B4GALNT3: variants seen among roughly 807,000 people sequenced by gnomAD.
The protein encoded by B4GALNT3 is beta-1,4-N-acetyl-galactosaminyltransferase 3.
Under a neutral mutation model 120.2 loss-of-function variants are expected in B4GALNT3, and 86 were observed. The ratio of observed to expected loss-of-function variants is 0.72; its 90% CI spans 0.60 to 0.86. The LOEUF (loss-of-function observed/expected upper bound fraction) is 0.86, where lower values mean the gene tolerates loss of function less well. Ranked by LOEUF, B4GALNT3 falls within the 40% of genes least tolerant of loss-of-function variation. The pLI is 0.00. For synonymous variants in B4GALNT3, 518 were observed against 510.4 expected (o/e 1.01, Z -0.20); for missense variants, 1,167 against 1,298.9 (o/e 0.90, Z 1.56).
intron 3 of B4GALNT3, chr12:542,993 G>A (rs1464666919): frequency 4.7e-6 from 3 of 642,774 alleles, no homozygotes; most frequent in Non-Finnish European, 7.1e-6. Flanking sequence ...ATGGGGAGGG[G>A]AGGAGAGCAA....
intron 1 of B4GALNT3, among the ~76,000 whole-genome samples, chr12:463,336 A>T (rs1228083313): frequency 6.6e-6 from 1 of 152,210 alleles, no homozygotes; most frequent in Non-Finnish European, 1.5e-5. Flanking sequence ...ATGATGTGCA[A>T]TTTGGTTCCA....
intron 1 of B4GALNT3, among the ~76,000 whole-genome samples, chr12:470,064 G>A (rs965347837): frequency 1.3e-5 from 2 of 152,130 alleles, no homozygotes; most frequent in East Asian, 3.8e-4. Context: ...GTCCTTTTGA[G>A]GGCTTCAGTT....
rs776766408 is a variant in B4GALNT3 at position 544,920 on chromosome 12, A to G, written c.486A>G (p.Lys162=). 2 of 1,613,898 alleles carry G rather than the reference A, an allele frequency of 1.2e-6. No homozygotes were observed. Among genetic ancestry groups the G allele is most frequent in the Non-Finnish European group, 1.7e-6 (2 of 1,179,942 alleles). Residue 162 remains lysine (K), a synonymous_variant, in exon 5 of 20, where the codon AAA becomes AAG. Coordinates refer to ENST00000266383, the MANE Select transcript of B4GALNT3 (RefSeq NM_173593.4). ...TTLRKLAVSP[K]WTNYGLRIFG... is the part of the protein sequence containing the mutation. ...TGAGGAAGCTTGCTGTGTCCCCCAA[A>G]TGGACCAACTATGGCCTCCGCATCT...
At chr12:479,486 A>C (rs1360696298) in intron 1 of B4GALNT3, among the ~76,000 whole-genome samples, 1 of 152,118 alleles carries the variant, frequency 6.6e-6, no homozygotes, top group Non-Finnish European at 1.5e-5. Context: ...TACTTAGGGG[A>C]CCTTTGGTCA....
intron 14 of B4GALNT3, 74 bp downstream of exon 14, chr12:554,057 A>G: frequency 9.6e-7 from 1 of 1,041,600 alleles, no homozygotes; most frequent in Non-Finnish European, 1.4e-6. Context: ...GCAGGGGCCT[A>G]AGGGCTGGTA....
At chr12:554,185 CCCG>C (rs1300808516) in intron 14 of B4GALNT3, among the ~76,000 whole-genome samples, 2 of 152,216 alleles carry the variant, frequency 1.3e-5, no homozygotes, top group Non-Finnish European at 2.9e-5. Context: ...AGGTGTTTGT[CCCG>C]CCATTAGGCA....
At chr12:508,015 C>T (rs930043541) in intron 1 of B4GALNT3, among the ~76,000 whole-genome samples, 15 of 152,206 alleles carry the variant, frequency 9.9e-5, no homozygotes, top group Non-Finnish European at 2.1e-4. Context: ...TTGAGTAGAG[C>T]GTTGATACTA....
rs186538082 is a variant in B4GALNT3 at position 551,409 on chromosome 12, G to C, written c.1107+378G>C. Reference sequence around the variant, plus strand: ...GCCAGCAGGACTTACTAAACCCAGAGACCAGGCACTGGGGGAAAAAGAGCT... The same window carrying C: ...GCCAGCAGGACTTACTAAACCCAGACACCAGGCACTGGGGGAAAAAGAGCT... On this transcript the variant is annotated intron_variant, in intron 11 of 19. Coordinates refer to ENST00000266383, the MANE Select transcript of B4GALNT3 (RefSeq NM_173593.4). Among the ~76,000 whole-genome samples the C allele has an allele frequency of 6.6e-5, 10 of 152,364 alleles. No individual in the cohort carries two copies. In the East Asian group the frequency reaches 1.9e-3, roughly 29 times the overall value.
intron 1 of B4GALNT3, among the ~76,000 whole-genome samples, chr12:530,587 T>C (rs1277008991): frequency 1.3e-5 from 2 of 152,196 alleles, no homozygotes; most frequent in African/African-American, 2.4e-5. Flanking sequence ...TTCTGGGTAA[T>C]AAATCCTTGA....
Position 561,587 on chromosome 12 carries a change from A to C in B4GALNT3, c.*136A>C. ...GGCCTCGAAGCTGACGGCCCACTCC[A>C]CCTGGAGCTGTCCCCTCACAGAGGC... is the stretch of plus-strand genomic sequence containing the variant. On this transcript the variant is annotated 3_prime_UTR_variant, in exon 20 of 20. Coordinates refer to ENST00000266383, the MANE Select transcript of B4GALNT3 (RefSeq NM_173593.4). 1.5e-6 allele frequency: 1 copy of C among 664,776 alleles called. No homozygotes were observed. The highest frequency in any genetic ancestry group is 1.9e-5 in the South Asian group (1 of 51,794). 41.2% of individuals were successfully genotyped at this position (664,776 alleles called of 1,614,324 possible). A position where few individuals can be genotyped will look rare whatever the true frequency, so the allele number is the denominator to read the frequency against.
chr12:492,280 G>C (rs1946349177), intron 1 of B4GALNT3, among the ~76,000 whole-genome samples: 1 of 152,118 alleles, frequency 6.6e-6, no homozygotes, highest in South Asian at 2.1e-4. Flanking sequence ...AGGGTTGCAG[G>C]ATACAGGGAT....
In B4GALNT3 at chr12:550,901, C is replaced by G; in HGVS notation, c.998-21C>G. The G allele has an allele frequency of 6.3e-7, 1 of 1,579,028 alleles. No homozygotes were observed. Among genetic ancestry groups the G allele is most frequent in the Non-Finnish European group, 8.7e-7 (1 of 1,148,500 alleles). On this transcript the variant is annotated intron_variant, in intron 10 of 19. Transcript: ENST00000266383. This position sits in a 1 kb window ranked among gnomAD's most constrained non-coding sequence, Gnocchi z 4.1. Reference sequence around the variant, plus strand: ...TTCGTGCTCACCCTCACCCTCACTCCTCCTCCTCCACTGTCCTCAGTGCCT... The same window carrying G: ...TTCGTGCTCACCCTCACCCTCACTCGTCCTCCTCCACTGTCCTCAGTGCCT...
intron 1 of B4GALNT3, among the ~76,000 whole-genome samples, chr12:500,164 G>C (rs895898850): frequency 1.8e-4 from 28 of 151,878 alleles, no homozygotes; most frequent in African/African-American, 6.8e-4. Flanking sequence ...TTTTTTAAGA[G>C]TTGGGGTCTT....
At chr12:521,797 A>G (rs1163021433) in intron 1 of B4GALNT3, among the ~76,000 whole-genome samples, 1 of 152,130 alleles carries the variant, frequency 6.6e-6, no homozygotes, top group Non-Finnish European at 1.5e-5. Context: ...AGGACAGGCA[A>G]CCAACAGTTC....
chr12:519,491 C>T (rs1340973951), intron 1 of B4GALNT3, among the ~76,000 whole-genome samples: 1 of 152,062 alleles, frequency 6.6e-6, no homozygotes, highest in Non-Finnish European at 1.5e-5. Flanking sequence ...AAATGTTCAC[C>T]GCTGGCAGAA....
chr12:552,048 T>C lies in B4GALNT3; in HGVS notation c.1108-15T>C. 6.4e-7 allele frequency: 1 copy of C among 1,565,454 alleles called. No homozygotes were observed. The highest frequency in any genetic ancestry group is 2.2e-5 in the East Asian group (1 of 44,590). ...CTCACTCTCTTACTCCTGCTGCTGA[T>C]TTTTCCACTTCCAGGTTCATCTGTC... On this transcript the variant is annotated splice_polypyrimidine_tract_variant and intron_variant, in intron 11 of 19. Coordinates refer to ENST00000266383, the MANE Select transcript of B4GALNT3 (RefSeq NM_173593.4).
chr12:462,367 G>A (rs1294163312), intron 1 of B4GALNT3, among the ~76,000 whole-genome samples: 1 of 148,858 alleles, frequency 6.7e-6, no homozygotes, highest in South Asian at 2.2e-4. Flanking sequence ...TTTTACCTCC[G>A]GTGTGTTTTC....
rs535782427 is a variant in B4GALNT3 at position 541,931 on chromosome 12, T to C, written c.352-2408T>C. ...GGTGGCATGCCCTCCCCCACTGCCC[T>C]CCCTCCTGGGATCTGTATCTCCTAG... On this transcript the variant is annotated intron_variant, in intron 3 of 19. Transcript: ENST00000266383. Among the ~76,000 whole-genome samples the C allele has an allele frequency of 8.0e-4, 117 of 146,714 alleles. 4 individuals carry two copies. In the South Asian group the frequency reaches 0.025, roughly 31 times the overall value.
intron 1 of B4GALNT3, among the ~76,000 whole-genome samples, chr12:522,811 G>A (rs1029208748): frequency 1.1e-4 from 17 of 151,678 alleles, no homozygotes; most frequent in African/African-American, 3.9e-4. Flanking sequence ...GGTGGCACAC[G>A]CCTGTGGTCC....
Sources: allele counts gnomAD v4.1 joint callset (sites outside exome capture counted in the v4.1 genomes callset), GRCh38; gene constraint gnomAD v4.1.1; non-coding constraint Gnocchi (gnomAD v3.1); transcripts MANE v1.5; gene names NCBI Gene and HGNC (gene_info 2026-07-23, HGNC 2026-07-21).